Variants in ZFP28 observed in about 807,000 individuals in gnomAD.
ZFP28 encodes ZFP28 zinc finger protein, also known as zinc finger protein 28 homolog.
A neutral mutation model predicts 39.5 loss-of-function variants in ZFP28; 31 were observed. The observed-to-expected ratio is 0.79, with a 90% CI of 0.59 to 1.06. ZFP28 has a LOEUF of 1.06. ZFP28 is among the 50% of genes least tolerant of loss of function. ZFP28 has a pLI of 0.00. For synonymous variants in ZFP28, 400 were observed against 378.6 expected (o/e 1.06, Z -0.66); for missense variants, 925 against 1,048.4 (o/e 0.88, Z 1.63).
chr19:56,546,951 A>C (rs2147954189), intron 2 of ZFP28: 1 of 152,464 alleles, frequency 6.6e-6, no homozygotes, highest in Middle Eastern at 3.4e-3. Context: ...CCTGGAGTTT[A>C]AGACAGAATG....
chr19:56,538,725 C>T (rs1042811604), upstream of ZFP28: 2 of 149,438 alleles, frequency 1.3e-5, no homozygotes, highest in African/African-American at 5.0e-5. Flanking sequence ...GGCGGCGCTG[C>T]CTGCGCACTG....
upstream of ZFP28, among the ~76,000 whole-genome samples, chr19:56,538,782 C>A (rs1230287309): frequency 0.036 from 151 of 4,202 alleles, 20 homozygotes; most frequent in African/African-American, 0.23. Context: ...CGGGGCGGGG[C>A]GGGGCGGGGC....
chr19:56,548,926 A>G, intron 4 of ZFP28, 32 bp from the exon 5 acceptor site: 1 of 1,584,882 alleles, frequency 6.3e-7, no homozygotes, highest in East Asian at 2.3e-5. Flanking sequence ...ACACATGATA[A>G]AAGATAAATT....
At chr19:56,539,748 A>C in intron 2 of ZFP28, 32 bp downstream of exon 2, 2 of 1,598,820 alleles carry the variant, frequency 1.3e-6, no homozygotes, top group Non-Finnish European at 1.7e-6. Flanking sequence ...TGTCTCTGAA[A>C]TGCAGTCTTG....
Position 56,556,684 on chromosome 19 carries a change from C to T in ZFP28, c.*1292C>T, listed in dbSNP as rs914930432. 1 of 151,868 alleles carries T rather than the reference C, an allele frequency of 6.6e-6. No individual in the cohort carries two copies. Among genetic ancestry groups the T allele is most frequent in the Non-Finnish European group, 1.5e-5 (1 of 67,972 alleles). The allele number at this position is 151,868 out of a possible 1,614,324, so 9.4% of individuals were successfully genotyped here. On this transcript the variant is annotated 3_prime_UTR_variant, in exon 8 of 8. Coordinates refer to ENST00000301318, the MANE Select transcript of ZFP28 (RefSeq NM_020828.2). ...TTTTATGAGGGCAATACAACTGTCACATCAGAAACAAGAAAACAAATGATA... is the reference window on the plus strand; with the variant it reads ...TTTTATGAGGGCAATACAACTGTCATATCAGAAACAAGAAAACAAATGATA...
intron 2 of ZFP28, chr19:56,546,613 A>G (rs575914817): frequency 1.6e-4 from 25 of 152,302 alleles, no homozygotes; most frequent in African/African-American, 5.3e-4. Context: ...CATTTTAGAA[A>G]AAAAAATTGC....
intron 7 of ZFP28, chr19:56,551,829 G>C (rs2044307036): frequency 1.0e-6 from 1 of 983,280 alleles, no homozygotes; most frequent in African/African-American, 1.8e-5. Context: ...GTTCTCTCTT[G>C]TGTGTTAAAT....
Position 56,554,663 on chromosome 19 carries a change from C to T in ZFP28, c.1878C>T (p.Phe626=). The part of the protein sequence containing the change: ...PFECAECGKS[F]SISSQLATHQ... The stretch of plus-strand genomic sequence containing the variant: ...AATGTGCGGAGTGTGGAAAATCCTT[C>T]AGCATCAGTTCTCAGCTTGCCACTC... The change falls in exon 8 of 8, where the codon TTC becomes TTT. Residue 626 remains phenylalanine, a synonymous_variant. Coordinates refer to ENST00000301318, the MANE Select transcript of ZFP28 (RefSeq NM_020828.2). This position sits in a 1 kb window ranked among gnomAD's most constrained non-coding sequence, Gnocchi z 6.7. 6.2e-7 allele frequency: 1 copy of T among 1,613,474 alleles called. No individual in the cohort carries two copies. Among genetic ancestry groups the T allele is most frequent in the Non-Finnish European group, 8.5e-7 (1 of 1,179,498 alleles).
intron 5 of ZFP28, 90 bp downstream of exon 5, chr19:56,549,211 A>G: frequency 2.8e-6 from 4 of 1,430,274 alleles, no homozygotes; most frequent in Non-Finnish European, 3.7e-6. Flanking sequence ...CAACAACTAT[A>G]AGAGAAGTTT....
intron 1 of ZFP28, 126 bp downstream of exon 1, chr19:56,539,352 G>T (rs78346163): frequency 0.18 from 184,269 of 1,046,704 alleles, 17,369 homozygotes; most frequent in Middle Eastern, 0.21. Context: ...TTTGAAGCTG[G>T]TGGAGTGGGA....
chr19:56,538,216 G>A (rs1453874470), upstream of ZFP28: 1 of 152,284 alleles, frequency 6.6e-6, no homozygotes, highest in Non-Finnish European at 1.5e-5. Flanking sequence ...AATCCCACAA[G>A]CTCTCTACAT....
Position 56,547,456 on chromosome 19 carries a change from CAT to C in ZFP28, c.301-51_301-50del, listed in dbSNP as rs578019252. ...TTTCTTTCTATAACAAACCCCCAGT[CAT>C]GTGGGGGCATGAGCACTGGTTGAGC... is the stretch of plus-strand genomic sequence containing the variant. On this transcript the variant is annotated intron_variant, in intron 2 of 7. Coordinates refer to ENST00000301318, the MANE Select transcript of ZFP28 (RefSeq NM_020828.2). The surrounding 1 kb of genome is among the most constrained non-coding windows in gnomAD (Gnocchi z 4.6). 620 of 1,613,082 alleles carry C rather than the reference CAT, an allele frequency of 3.8e-4. 8 individuals carry two copies. In the South Asian group the frequency reaches 6.3e-3, roughly 16 times the overall value.
At chr19:56,551,419 T>C in intron 7 of ZFP28, 1 of 985,654 alleles carries the variant, frequency 1.0e-6, no homozygotes, top group Non-Finnish European at 1.2e-6. Context: ...GAAATTACAG[T>C]GTATATTCAG....
At chr19:56,538,025 C>T (rs934030987), upstream of ZFP28, 1 of 152,236 alleles carries the variant, frequency 6.6e-6, no homozygotes, top group African/African-American at 2.4e-5. Flanking sequence ...TTAGGCAGCC[C>T]TCTCTGAGGC....
chr19:56,542,497 A>G lies in ZFP28; in HGVS notation c.300+2781A>G, dbSNP rs142956045. Among the ~76,000 whole-genome samples, 796 of 152,296 alleles carry G rather than the reference A, an allele frequency of 5.2e-3. 11 individuals are homozygous for G. Among genetic ancestry groups the G allele is most frequent in the African/African-American group, 0.018 (753 of 41,568 alleles). ...TGCATTTGGTTGAAAAAATTTGCAT[A>G]TAGGTGGACCCTTGCAGCCCAGATC... On this transcript the variant is annotated intron_variant, in intron 2 of 7. Transcript: ENST00000301318.
At chr19:56,553,534 C>T (rs982336321) in intron 7 of ZFP28, 150 bp from the exon 8 acceptor site, 133 of 1,056,460 alleles carry the variant, frequency 1.3e-4, no homozygotes, top group Non-Finnish European at 1.7e-4. Flanking sequence ...AGCCACTGTG[C>T]CTGGCCCTAA....
chr19:56,554,252 A>T lies in ZFP28; in HGVS notation c.1467A>T (p.Thr489=), dbSNP rs764113462. 1 of 1,614,192 alleles carries T rather than the reference A, an allele frequency of 6.2e-7. No individual in the cohort carries two copies. Among genetic ancestry groups the T allele is most frequent in the East Asian group, 2.2e-5 (1 of 44,872 alleles). ...IECGKAFIQN[T]SLIRHWRYYH... is the part of the protein sequence containing the mutation. ...GTGGGAAAGCTTTCATACAGAACAC[A>T]TCCCTTATCCGTCACTGGAGATACT... Residue 489 remains threonine (T), a synonymous_variant, in exon 8 of 8, where the codon ACA becomes ACT. Coordinates refer to ENST00000301318, the MANE Select transcript of ZFP28 (RefSeq NM_020828.2). The surrounding 1 kb of genome is among the most constrained non-coding windows in gnomAD (Gnocchi z 6.7).
rs754799783 is a variant in ZFP28, at chr19:56,554,093, T to A, written c.1308T>A (p.Thr436=). ...CTTTTACCCAGAGCTCATCTCTTAC[T>A]GTTCATCAGAGAATTCACACTGGAG... is the stretch of plus-strand genomic sequence containing the variant. The part of the protein sequence containing the change: ...KKTFTQSSSL[T]VHQRIHTGEK... Residue 436 remains threonine (T), a synonymous_variant, in exon 8 of 8, where the codon ACT becomes ACA. Coordinates refer to ENST00000301318, the MANE Select transcript of ZFP28 (RefSeq NM_020828.2). The surrounding 1 kb of genome is among the most constrained non-coding windows in gnomAD (Gnocchi z 6.7). 8 of 1,614,252 alleles carry A rather than the reference T, an allele frequency of 5.0e-6. No individual in the cohort carries two copies. In the South Asian group the frequency reaches 6.6e-5, roughly 13 times the overall value.
upstream of ZFP28, among the ~76,000 whole-genome samples, chr19:56,537,042 A>T (rs2044139062): frequency 1.2e-5 from 1 of 85,862 alleles, no homozygotes; most frequent in Non-Finnish European, 2.5e-5. Context: ...GTTGTCGGTC[A>T]GTAGCTTGAT....
Sources: allele counts gnomAD v4.1 joint callset (sites outside exome capture counted in the v4.1 genomes callset), GRCh38; gene constraint gnomAD v4.1.1; non-coding constraint Gnocchi (gnomAD v3.1); transcripts MANE v1.5; gene names NCBI Gene and HGNC (gene_info 2026-07-23, HGNC 2026-07-21).